The following ZNF519 variants were observed in gnomAD, a reference collection of about 807,000 sequenced individuals.
ZNF519 encodes the protein similar to Zinc finger protein 85 (Zinc finger protein HPF4) (HTF1).
A neutral mutation model predicts 7.4 loss-of-function variants in ZNF519; 7 were observed. The observed-to-expected ratio is 0.94, with a 90% CI of 0.54 to 1.77. ZNF519 has a LOEUF of 1.77. Among genes scored for constraint, ZNF519 ranks in the 40% most tolerant of loss-of-function variants. The pLI is 0.00. For synonymous variants in ZNF519, 179 were observed against 203.3 expected, an observed-to-expected ratio of 0.88 and a Z score of 1.02; for missense variants, 586 against 623.1, an observed-to-expected ratio of 0.94 and a Z score of 0.63.
chr18:14,105,055 T>G lies in ZNF519; in HGVS notation c.1485A>C (p.Lys495Asn). 6 of 1,611,892 alleles carry G rather than the reference T, an allele frequency of 3.7e-6. No individual in the cohort carries two copies. The highest frequency in any genetic ancestry group is 5.1e-6 in the Non-Finnish European group (6 of 1,179,062). ...TAAGGTGTGAGCTCCTGGTAAAAGC[T>G]TTGCCACATTCTTTACATTTGAAGA... ...EKFFKCKECG[K>N]AFTRSSHLTQ... The change falls in exon 3 of 3, where the codon AAA becomes AAC. Residue 495 changes from lysine to asparagine, a missense_variant. Lys to Asn is a moderately conservative substitution (Grantham distance 94). Coordinates refer to ENST00000590202, the MANE Select transcript of ZNF519 (RefSeq NM_145287.4).
intron 2 of ZNF519, among the ~76,000 whole-genome samples, chr18:14,115,804 AG>A: frequency 6.6e-6 from 1 of 152,250 alleles, no homozygotes; most frequent in East Asian, 1.9e-4. Context: ...AGGCACAAAA[AG>A]ACAAATACTA....
chr18:14,087,847 A>G (rs1297691965), intron 2 of ZNF519, among the ~76,000 whole-genome samples: 3 of 152,218 alleles, frequency 2.0e-5, no homozygotes, highest in African/African-American at 7.2e-5. Context: ...TGTACATTAA[A>G]GTAAAAATGG....
downstream of ZNF519, among the ~76,000 whole-genome samples, chr18:14,099,141 C>T (rs1350871066): frequency 3.9e-5 from 6 of 152,118 alleles, no homozygotes; most frequent in Non-Finnish European, 8.8e-5. Context: ...CCTCACCTCC[C>T]CTCTACTTCC....
At chr18:14,108,470 C>T (rs1435054518) in intron 2 of ZNF519, among the ~76,000 whole-genome samples, 6 of 152,258 alleles carry the variant, frequency 3.9e-5, no homozygotes, top group Non-Finnish European at 7.4e-5. Flanking sequence ...CAGATGGCTA[C>T]CCACTTTCAG....
intron 1 of ZNF519, among the ~76,000 whole-genome samples, chr18:14,128,690 A>AACACACACACACACACACACACAC (rs71366097): frequency 7.7e-6 from 1 of 130,558 alleles, no homozygotes; most frequent in Admixed American, 7.7e-5. Context: ...TTCTGAGTCA[A>AACACACACACACACACACACACAC]ACACACACAC....
At chr18:14,123,218 T>TAAAAAAAAAAAAAAAAAAAAAAAAAAGA in intron 2 of ZNF519, 1 of 143,636 alleles carries the variant, frequency 7.0e-6, no homozygotes, top group Non-Finnish European at 1.5e-5. Context: ...CTTGTTTTAT[T>TAAAAAAAAAAAAAAAAAAAAAAAAAAGA]AAAAAAAAAA....
Position 14,105,942 on chromosome 18 carries a change from C to T in ZNF519, c.598G>A (p.Glu200Lys), listed in dbSNP as rs2143128218. ...GGCTTTTTTTGAATATGGATATTTT[C>T]AGGGAAAATAAGCTTTGAGGATTGG... ...FYQSSKLIFP[E>K]NIHIQKKPYN... The change falls in exon 3 of 3, where the codon GAA becomes AAA. Residue 200 changes from glutamate to lysine, a missense_variant. Transcript: ENST00000590202. 1 of 1,608,154 alleles carries T rather than the reference C, an allele frequency of 6.2e-7. No individual in the cohort carries two copies. Among genetic ancestry groups the T allele is most frequent in the Non-Finnish European group, 8.5e-7 (1 of 1,177,226 alleles).
intron 2 of ZNF519, among the ~76,000 whole-genome samples, chr18:14,112,345 CACATT>C (rs1205253817): frequency 2.0e-5 from 3 of 152,098 alleles, no homozygotes; most frequent in Admixed American, 2.0e-4. Context: ...ATATGACACT[CACATT>C]ATATGATACT....
At chr18:14,119,123 C>G (rs972659589) in intron 2 of ZNF519, among the ~76,000 whole-genome samples, 1 of 152,168 alleles carries the variant, frequency 6.6e-6, no homozygotes, top group Non-Finnish European at 1.5e-5. Flanking sequence ...CCATGACTAT[C>G]CTAATCTCTG....
chr18:14,114,897 C>T (rs2046238188), intron 2 of ZNF519, among the ~76,000 whole-genome samples: 1 of 151,986 alleles, frequency 6.6e-6, no homozygotes. Flanking sequence ...CAAAATATCT[C>T]ATGTAACCCA....
rs999729939 is a variant in ZNF519, at chr18:14,104,727, G to C, written c.*190C>G. 1 of 485,542 alleles carries C rather than the reference G, an allele frequency of 2.1e-6. No homozygotes were observed. Among genetic ancestry groups the C allele is most frequent in the East Asian group, 3.2e-5 (1 of 31,288 alleles). The allele number at this position is 485,542 out of a possible 1,614,324, so 30.1% of individuals were successfully genotyped here. ...GTTATAATAAACACACTGATTCAGAGTAATTTACGGAAGTGCTAGCACCTT... is the reference window on the plus strand; with the variant it reads ...GTTATAATAAACACACTGATTCAGACTAATTTACGGAAGTGCTAGCACCTT... On this transcript the variant is annotated 3_prime_UTR_variant, in exon 3 of 3. Transcript: ENST00000590202.
chr18:14,114,868 A>G (rs2046238102), intron 2 of ZNF519, among the ~76,000 whole-genome samples: 1 of 152,186 alleles, frequency 6.6e-6, no homozygotes, highest in Non-Finnish European at 1.5e-5. Flanking sequence ...TGTGATTTTT[A>G]TGCATTTCAT....
At position 14,104,870 on chromosome 18, in the gene ZNF519, G is replaced by C. The variant is rs2046179741; in HGVS notation, c.*47C>G. The stretch of plus-strand genomic sequence containing the variant: ...GATTTTCTAATGTTGAGTAAGGTGT[G>C]AGCACCAGTTTAGGGTTTTAGCACA... On this transcript the variant is annotated 3_prime_UTR_variant, in exon 3 of 3. Coordinates refer to ENST00000590202, the MANE Select transcript of ZNF519 (RefSeq NM_145287.4). 1 of 1,478,428 alleles carries C rather than the reference G, an allele frequency of 6.8e-7. No homozygotes were observed. Among genetic ancestry groups the C allele is most frequent in the East Asian group, 2.3e-5 (1 of 43,848 alleles). The allele number at this position is 1,478,428 out of a possible 1,614,324, so 91.6% of individuals were successfully genotyped here.
chr18:14,096,584 T>C (rs1454295354), downstream of ZNF519, among the ~76,000 whole-genome samples: 1 of 152,132 alleles, frequency 6.6e-6, no homozygotes, highest in Non-Finnish European at 1.5e-5. Flanking sequence ...GGCATGGTCA[T>C]ACCTCACTGC....
chr18:14,071,566 G>A (rs1183817043), downstream of ZNF519: 1 of 152,168 alleles, frequency 6.6e-6, no homozygotes, highest in East Asian at 1.9e-4. Flanking sequence ...CGATTATAAA[G>A]TGTTCCACAT....
chr18:14,095,431 G>A (rs1480192325), downstream of ZNF519, among the ~76,000 whole-genome samples: 6 of 152,176 alleles, frequency 3.9e-5, no homozygotes, highest in Admixed American at 1.3e-4. Flanking sequence ...GTTTGTGGCC[G>A]CTGCAGTCAT....
Position 14,079,471 on chromosome 18 carries a change from G to T in ZNF519, c.*178-1173C>A, listed in dbSNP as rs2046061809. 3.3e-5 allele frequency among the ~76,000 whole-genome samples: 5 copies of T among 152,284 alleles called. No individual in the cohort carries two copies. The South Asian group carries it at 1.0e-3, about 32-fold the overall frequency. On this transcript the variant is annotated intron_variant and NMD_transcript_variant, in intron 3 of 4. Coordinates refer to the ZNF519 transcript ENST00000587419. The stretch of plus-strand genomic sequence containing the variant: ...TTGCCAACACAATATTGTAGGAAAA[G>T]AATAAAATTGGAGGACAGAGATACT...
chr18:14,079,140 T>C (rs1250975539), intron 3 of ZNF519, among the ~76,000 whole-genome samples: 1 of 152,210 alleles, frequency 6.6e-6, no homozygotes, highest in Non-Finnish European at 1.5e-5. Flanking sequence ...CTCCTGTTTG[T>C]GATCAGACAT....
At chr18:14,094,799 AT>A (rs201599983) in intron 2 of ZNF519, among the ~76,000 whole-genome samples, 14 of 150,900 alleles carry the variant, frequency 9.3e-5, no homozygotes, top group African/African-American at 2.9e-4. Flanking sequence ...GAGCTCACTG[AT>A]TTTTTTTTGT....
Sources: gnomAD v4.1 joint callset for allele counts (sites outside exome capture counted in the v4.1 genomes callset) on GRCh38, gnomAD v4.1.1 for gene constraint, MANE v1.5 for transcripts, NCBI Gene and HGNC (gene_info 2026-07-23, HGNC 2026-07-21) for gene names.